The following NRP1 variants were observed in gnomAD, a reference collection of about 807,000 sequenced individuals.
NRP1 encodes the protein neuropilin 1, also known as neuropilin-1.
In NRP1, 35 loss-of-function variants were observed where a neutral mutation model predicts 106.7. The ratio of observed to expected loss-of-function variants is 0.33; its 90% CI spans 0.25 to 0.43. The LOEUF is 0.43. Among genes scored for constraint, NRP1 ranks in the 20% least tolerant of loss-of-function variants. The probability of loss-of-function intolerance (pLI) is 1.00; values close to 1 mark genes in which losing one functional copy is unlikely to be tolerated. For missense variants in NRP1, 1,024 were observed against 1,170.4 expected (o/e 0.87, Z 1.83); for synonymous variants, 437 against 417.9 (o/e 1.05, Z -0.56).
At chr10:33,318,471 G>C (rs1013421277) in intron 2 of NRP1, among the ~76,000 whole-genome samples, 1 of 152,062 alleles carries the variant, frequency 6.6e-6, no homozygotes, top group Non-Finnish European at 1.5e-5. Flanking sequence ...AGACACATCA[G>C]TTTGCTAGAA....
intron 2 of NRP1, among the ~76,000 whole-genome samples, chr10:33,302,041 T>G (rs115852061): frequency 1.1e-3 from 171 of 150,926 alleles, no homozygotes; most frequent in African/African-American, 3.9e-3. Context: ...GAGAAAGGAG[T>G]TTTGATTTTC....
chr10:33,297,909 T>C (rs1413122749), intron 2 of NRP1, among the ~76,000 whole-genome samples: 1 of 145,442 alleles, frequency 6.9e-6, no homozygotes, highest in Non-Finnish European at 1.5e-5. Context: ...TCTAGGATGC[T>C]ATTCTAAGAA....
rs1217202976 is a variant in NRP1, at chr10:33,213,189, G to C, written c.1614+197C>G. On this transcript the variant is annotated intron_variant, in intron 9 of 16. Coordinates refer to ENST00000374867, the MANE Select transcript of NRP1 (RefSeq NM_003873.7). Reference sequence around the variant, plus strand: ...ATGGGACCAGCAATGCAATTCTTTTGCATGTTATCTCAGACATCACTTTTC... The same window carrying C: ...ATGGGACCAGCAATGCAATTCTTTTCCATGTTATCTCAGACATCACTTTTC... The C allele has an allele frequency of 3.5e-6, 5 of 1,431,428 alleles. No individual in the cohort carries two copies. The South Asian group carries it at 5.3e-5, about 15-fold the overall frequency. The allele number at this position is 1,431,428 out of a possible 1,614,324, so 88.7% of individuals were successfully genotyped here.
chr10:33,301,980 C>G (rs750364325), intron 2 of NRP1, among the ~76,000 whole-genome samples: 17 of 151,808 alleles, frequency 1.1e-4, no homozygotes, highest in Non-Finnish European at 1.9e-4. Context: ...TTCTATTTCA[C>G]ATAGAGAATT....
rs748521141 is a variant in NRP1 at position 33,270,786 on chromosome 10, T to A, written c.319A>T (p.Ile107Leu). 8.1e-6 allele frequency: 13 copies of A among 1,613,868 alleles called. No homozygotes were observed. In the South Asian group the frequency reaches 1.2e-4, roughly 15 times the overall value. ...GHFRGKFCGK[I>L]APPPVVSSGP... is the part of the protein sequence containing the mutation. ...GAAGACACAACAGGAGGAGGGGCTA[T>A]CTTTCCACAGAACTTTCCCCTAAAA... Residue 107 changes from isoleucine (I) to leucine (L), a missense_variant, in exon 3 of 17, where the codon ATA becomes TTA. Ile to Leu is a conservative substitution (Grantham distance 5, BLOSUM62 2). This residue lies in a region of NRP1 where 279 missense variants were observed against 327.4 expected (regional missense o/e 0.85). Transcript: ENST00000374867.
At chr10:33,277,091 C>T (rs970054757) in intron 2 of NRP1, among the ~76,000 whole-genome samples, 1 of 146,050 alleles carries the variant, frequency 6.8e-6, no homozygotes, top group African/African-American at 2.6e-5. Flanking sequence ...GGTAACAGAT[C>T]AAGACCCTGT....
At chr10:33,262,821 G>C (rs1040370535) in intron 4 of NRP1, among the ~76,000 whole-genome samples, 1 of 151,810 alleles carries the variant, frequency 6.6e-6, no homozygotes, top group African/African-American at 2.4e-5. Context: ...CTTTCATTTG[G>C]GGAGATTTGT....
intron 4 of NRP1, among the ~76,000 whole-genome samples, chr10:33,257,287 A>C (rs1479507977): frequency 6.6e-6 from 1 of 152,194 alleles, no homozygotes; most frequent in Non-Finnish European, 1.5e-5. Flanking sequence ...ACCAGGAAAA[A>C]AAGTGGACTT....
In NRP1 at chr10:33,275,442, C is replaced by CT. The variant is rs1332867252; in HGVS notation, c.249-4587dup. Reference sequence around the variant, plus strand: ...AATTAGCCGGGCATGGTGGCATGCACTTGTAGTGCCAGCTACTCGGGAGGC... The same window carrying CT: ...AATTAGCCGGGCATGGTGGCATGCACTTTGTAGTGCCAGCTACTCGGGAGGC... On this transcript the variant is annotated intron_variant, in intron 2 of 16. Coordinates refer to ENST00000374867, the MANE Select transcript of NRP1 (RefSeq NM_003873.7). Among the ~76,000 whole-genome samples, 5 of 152,168 alleles carry CT rather than the reference C, an allele frequency of 3.3e-5. 1 individual carries two copies. The highest frequency in any genetic ancestry group is 5.9e-5 in the Non-Finnish European group (4 of 68,038).
intron 2 of NRP1, among the ~76,000 whole-genome samples, chr10:33,309,585 A>G: frequency 6.6e-6 from 1 of 152,156 alleles, no homozygotes; most frequent in East Asian, 1.9e-4. Flanking sequence ...TCTTTCTAGC[A>G]CCTGACACTG....
Position 33,292,590 on chromosome 10 carries a change from G to A in NRP1, c.249-21734C>T, listed in dbSNP as rs865993550. ...GCCCAGCAGGTGAAAGAGGGCATCC[G>A]AGAATTTTGGTGGCAATCTTAACGT... On this transcript the variant is annotated intron_variant, in intron 2 of 16. Coordinates refer to ENST00000374867, the MANE Select transcript of NRP1 (RefSeq NM_003873.7). 5.1e-4 allele frequency among the ~76,000 whole-genome samples: 78 copies of A among 152,264 alleles called. 1 individual carries two copies. Among genetic ancestry groups the A allele is most frequent in the Middle Eastern group, 6.8e-3 (2 of 294 alleles).
intron 2 of NRP1, among the ~76,000 whole-genome samples, chr10:33,326,846 C>T (rs562479815): frequency 6.6e-6 from 1 of 152,274 alleles, no homozygotes; most frequent in South Asian, 2.1e-4. Flanking sequence ...AACTCATGAA[C>T]TGGGTCAGTC....
At chr10:33,252,284 A>G (rs1841922873) in intron 6 of NRP1, among the ~76,000 whole-genome samples, 2 of 152,108 alleles carry the variant, frequency 1.3e-5, no homozygotes, top group Admixed American at 1.3e-4. Flanking sequence ...CTCCAAGACC[A>G]CGTGTGATCC....
chr10:33,216,574 C>A (rs1838793386), intron 8 of NRP1, among the ~76,000 whole-genome samples: 1 of 152,070 alleles, frequency 6.6e-6, no homozygotes, highest in African/African-American at 2.4e-5. Context: ...CCACCTCAGT[C>A]TCCTGAGTAG....
intron 15 of NRP1, among the ~76,000 whole-genome samples, 177 bp from the exon 16 acceptor site, chr10:33,182,925 A>G (rs998861250): frequency 6.6e-6 from 1 of 152,192 alleles, no homozygotes. Flanking sequence ...AGATCAATAA[A>G]GAGGCAATGT....
At chr10:33,251,993 A>C (rs1238624459) in intron 6 of NRP1, among the ~76,000 whole-genome samples, 7 of 152,064 alleles carry the variant, frequency 4.6e-5, no homozygotes, top group Non-Finnish European at 5.9e-5. Context: ...TTCCCGCCTA[A>C]ATGTTGCATT....
Position 33,182,679 on chromosome 10 carries a change from G to A in NRP1, c.2482+19C>T. The A allele has an allele frequency of 6.3e-7, 1 of 1,596,124 alleles. No individual in the cohort carries two copies. The highest frequency in any genetic ancestry group is 8.6e-7 in the Non-Finnish European group (1 of 1,165,688). On this transcript the variant is annotated intron_variant, in intron 16 of 16. Transcript: ENST00000374867. ...CCATAGTAAAATTTTTTAAAAATTGGTCAGCAAGACAAATTTACCTGTTTC... is the reference window on the plus strand; with the variant it reads ...CCATAGTAAAATTTTTTAAAAATTGATCAGCAAGACAAATTTACCTGTTTC...
At chr10:33,235,362 G>A (rs1840474772) in intron 6 of NRP1, among the ~76,000 whole-genome samples, 1 of 152,196 alleles carries the variant, frequency 6.6e-6, no homozygotes, top group Non-Finnish European at 1.5e-5. Context: ...CAAATGTGAA[G>A]GTGAAGAATG....
intron 2 of NRP1, among the ~76,000 whole-genome samples, chr10:33,320,043 T>G (rs906293702): frequency 2.1e-5 from 3 of 146,338 alleles, no homozygotes; most frequent in African/African-American, 7.5e-5. Context: ...CCGGGCGTGG[T>G]GGCTCACGCC....
Sources: allele counts gnomAD v4.1 joint callset (sites outside exome capture counted in the v4.1 genomes callset), GRCh38; gene constraint gnomAD v4.1.1; regional missense constraint gnomAD v4.1.1; transcripts MANE v1.5; gene names NCBI Gene and HGNC (gene_info 2026-07-23, HGNC 2026-07-21).